BTBD7: variants seen among roughly 807,000 people sequenced by gnomAD.
The protein encoded by BTBD7 is BTB/POZ domain-containing protein 7.
In BTBD7, 38 loss-of-function variants were observed where a neutral mutation model predicts 99.9. The observed-to-expected ratio is 0.38, with a 90% CI of 0.29 to 0.50. The LOEUF is 0.50. Ranked by LOEUF, BTBD7 falls within the 20% of genes least tolerant of loss-of-function variation. The probability of loss-of-function intolerance (pLI) is 0.93; values close to 1 mark genes in which losing one functional copy is unlikely to be tolerated. For missense variants in BTBD7, 1,170 were observed against 1,394.6 expected (o/e 0.84, Z 2.57); for synonymous variants, 520 against 511.4 (o/e 1.02, Z -0.23).
At chr14:93,312,320 T>C (rs1595336958) in intron 1 of BTBD7, among the ~76,000 whole-genome samples, 1 of 152,330 alleles carries the variant, frequency 6.6e-6, no homozygotes, top group East Asian at 1.9e-4. Context: ...ATAAAATATA[T>C]ATTTAATGCT....
intron 2 of BTBD7, 63 bp from the exon 3 acceptor site, chr14:93,295,000 C>G: frequency 7.0e-7 from 1 of 1,432,066 alleles, no homozygotes; most frequent in Non-Finnish European, 9.2e-7. Context: ...CAACGTTTAA[C>G]ATTTTTCATG....
chr14:93,293,854 A>G lies in BTBD7; in HGVS notation c.1162+4T>C, dbSNP rs767990225. On this transcript the variant is annotated splice_donor_region_variant and intron_variant, in intron 3 of 10. Coordinates refer to ENST00000334746, the MANE Select transcript of BTBD7 (RefSeq NM_001002860.4). ...AATCAGAATTAAAAACCAGAACTTC[A>G]TACCTTGTGCAAGCATGTTAAATTC... The G allele has an allele frequency of 1.3e-6, 2 of 1,598,844 alleles. No individual in the cohort carries two copies. Among genetic ancestry groups the G allele is most frequent in the Non-Finnish European group, 1.7e-6 (2 of 1,174,924 alleles).
chr14:93,279,570 C>CA (rs1337169971), intron 3 of BTBD7, among the ~76,000 whole-genome samples: 1 of 152,086 alleles, frequency 6.6e-6, no homozygotes, highest in East Asian at 1.9e-4. Flanking sequence ...TTCGTTGAGA[C>CA]AGAGTCTCGC....
intron 1 of BTBD7, among the ~76,000 whole-genome samples, chr14:93,310,440 C>T (rs1271746133): frequency 1.3e-5 from 2 of 152,080 alleles, no homozygotes; most frequent in African/African-American, 4.8e-5. Context: ...TTGAAGAAAT[C>T]AGGTTACCTG....
At chr14:93,276,480 G>A (rs958246683) in intron 3 of BTBD7, among the ~76,000 whole-genome samples, 12 of 152,056 alleles carry the variant, frequency 7.9e-5, no homozygotes, top group Admixed American at 2.0e-4. Context: ...ATTCTGTTCC[G>A]TGTGAATGTA....
intron 3 of BTBD7, among the ~76,000 whole-genome samples, chr14:93,289,733 C>G (rs1303843186): frequency 2.6e-5 from 4 of 152,090 alleles, no homozygotes; most frequent in Non-Finnish European, 5.9e-5. Flanking sequence ...TAAATCTGGT[C>G]CTAAATGCCA....
At chr14:93,297,875 A>G (rs2052948158) in intron 1 of BTBD7, among the ~76,000 whole-genome samples, 1 of 152,298 alleles carries the variant, frequency 6.6e-6, no homozygotes, top group African/African-American at 2.4e-5. Flanking sequence ...CTATCATGTA[A>G]AATAAAAAGC....
intron 1 of BTBD7, among the ~76,000 whole-genome samples, chr14:93,328,386 G>A (rs1442155115): frequency 6.6e-6 from 1 of 152,056 alleles, no homozygotes; most frequent in African/African-American, 2.4e-5. Flanking sequence ...AATTAAAATA[G>A]AGTGGTATTG....
At chr14:93,303,995 C>G (rs1344022490) in intron 1 of BTBD7, among the ~76,000 whole-genome samples, 1 of 152,202 alleles carries the variant, frequency 6.6e-6, no homozygotes, top group African/African-American at 2.4e-5. Context: ...CTTCTAGCAG[C>G]TAGAATCCCC....
At chr14:93,275,129 G>A (rs2052641089) in intron 3 of BTBD7, among the ~76,000 whole-genome samples, 1 of 152,138 alleles carries the variant, frequency 6.6e-6, no homozygotes, top group Non-Finnish European at 1.5e-5. Context: ...AATGGCAAGG[G>A]ATAGAACCTA....
intron 3 of BTBD7, among the ~76,000 whole-genome samples, chr14:93,283,206 G>C (rs1231255429): frequency 6.6e-6 from 1 of 151,986 alleles, no homozygotes; most frequent in African/African-American, 2.4e-5. Flanking sequence ...GCCTCCTGAG[G>C]AGCTGAGACT....
chr14:93,286,196 A>G (rs1176831492), intron 3 of BTBD7, among the ~76,000 whole-genome samples: 1 of 152,248 alleles, frequency 6.6e-6, no homozygotes, highest in Non-Finnish European at 1.5e-5. Flanking sequence ...TGACTAGAGA[A>G]GGCTGCAGAA....
At chr14:93,269,640 C>T (rs936885204) in intron 3 of BTBD7, among the ~76,000 whole-genome samples, 1 of 152,192 alleles carries the variant, frequency 6.6e-6, no homozygotes, top group Non-Finnish European at 1.5e-5. Flanking sequence ...AAATTTCCAA[C>T]GTGTCCTGGA....
intron 7 of BTBD7, among the ~76,000 whole-genome samples, chr14:93,252,637 A>C (rs1393330380): frequency 6.6e-6 from 1 of 151,804 alleles, no homozygotes; most frequent in Non-Finnish European, 1.5e-5. Context: ...AGCCTCCCAA[A>C]GTGCTGAGAT....
chr14:93,296,072 T>A lies in BTBD7; in HGVS notation c.-21A>T, dbSNP rs1220019384. 1.2e-6 allele frequency: 2 copies of A among 1,612,144 alleles called. No individual in the cohort carries two copies. Among genetic ancestry groups the A allele is most frequent in the Admixed American group, 1.7e-5 (1 of 59,850 alleles). ...CCCATTTTCTTCAGTCACTCAGGCA[T>A]TCCGTCTGCGGGTTCTTCAGAGTAT... On this transcript the variant is annotated 5_prime_UTR_variant, in exon 2 of 11. It removes an upstream start codon present in the reference 5' UTR. Transcript: ENST00000334746.
chr14:93,269,885 C>T (rs553581967), intron 3 of BTBD7, among the ~76,000 whole-genome samples: 55 of 152,214 alleles, frequency 3.6e-4, no homozygotes, highest in African/African-American at 1.3e-3. Context: ...GGAGAATGGG[C>T]AGCCCTGGGA....
intron 10 of BTBD7, among the ~76,000 whole-genome samples, chr14:93,244,745 C>T (rs555020791): frequency 9.9e-5 from 15 of 151,936 alleles, no homozygotes; most frequent in Middle Eastern, 3.4e-3. Flanking sequence ...CTCAAGCTTC[C>T]AATAAGCCAT....
intron 4 of BTBD7, among the ~76,000 whole-genome samples, chr14:93,262,821 A>T (rs558458727): frequency 1.3e-5 from 2 of 151,972 alleles, no homozygotes; most frequent in South Asian, 4.2e-4. Context: ...AGGAATGCAA[A>T]GCTCCTAAAG....
intron 1 of BTBD7, among the ~76,000 whole-genome samples, chr14:93,299,488 GAGA>G (rs1277233287): frequency 6.6e-6 from 1 of 152,142 alleles, no homozygotes; most frequent in Non-Finnish European, 1.5e-5. Context: ...GAGAGGAGAG[GAGA>G]AGGTCTACAG....
Sources: gnomAD v4.1 joint callset for allele counts (sites outside exome capture counted in the v4.1 genomes callset) on GRCh38, gnomAD v4.1.1 for gene constraint, MANE v1.5 for transcripts, NCBI Gene and HGNC (gene_info 2026-07-23, HGNC 2026-07-21) for gene names.